LAMA2: variants seen among roughly 807,000 people sequenced by gnomAD.
The protein encoded by LAMA2 is laminin subunit alpha 2, also known as laminin subunit alpha-2.
Under a neutral mutation model 364.8 loss-of-function variants are expected in LAMA2, and 269 were observed. The observed-to-expected ratio is 0.74, with a 90% confidence interval of 0.67 to 0.82. The LOEUF is 0.82. Among genes scored for constraint, LAMA2 ranks in the 40% least tolerant of loss-of-function variants. The probability of loss-of-function intolerance (pLI) is 0.00; values close to 1 mark genes in which losing one functional copy is unlikely to be tolerated. For missense variants in LAMA2, 3,807 were observed against 3,873.2 expected (o/e 0.98, Z 0.45); for synonymous variants, 1,379 against 1,370.6 (o/e 1.01, Z -0.14).
At chr6:129,112,810 C>T (rs546757765) in intron 4 of LAMA2, among the ~76,000 whole-genome samples, 2 of 151,842 alleles carry the variant, frequency 1.3e-5, no homozygotes, top group African/African-American at 4.8e-5. Context: ...TGATGGGAGA[C>T]AGGCTATGTT....
At chr6:128,948,481 A>T (rs1780613076) in intron 1 of LAMA2, among the ~76,000 whole-genome samples, 1 of 152,160 alleles carries the variant, frequency 6.6e-6, no homozygotes, top group Non-Finnish European at 1.5e-5. Flanking sequence ...ACCTCCAGCC[A>T]CACAAAAAAC....
intron 16 of LAMA2, among the ~76,000 whole-genome samples, chr6:129,268,465 T>C (rs1401577202): frequency 6.6e-6 from 1 of 152,094 alleles, no homozygotes; most frequent in Non-Finnish European, 1.5e-5. Context: ...TATGTCATAA[T>C]ACCAAACTCA....
chr6:129,405,414 C>A (rs1562534436), intron 40 of LAMA2, among the ~76,000 whole-genome samples: 1 of 151,918 alleles, frequency 6.6e-6, no homozygotes, highest in Non-Finnish European at 1.5e-5. Context: ...TCATTTTTTG[C>A]CAACATGAAG....
At chr6:129,475,697 C>T (rs1784035125) in intron 53 of LAMA2, among the ~76,000 whole-genome samples, 1 of 152,050 alleles carries the variant, frequency 6.6e-6, no homozygotes, top group Non-Finnish European at 1.5e-5. Flanking sequence ...TGACCAGCAG[C>T]ACACACTCAA....
At chr6:129,323,180 G>C (rs1775072497) in intron 28 of LAMA2, among the ~76,000 whole-genome samples, 1 of 152,030 alleles carries the variant, frequency 6.6e-6, no homozygotes, top group Non-Finnish European at 1.5e-5. Context: ...AATTACCCAG[G>C]CATAAAATCT....
intron 29 of LAMA2, among the ~76,000 whole-genome samples, chr6:129,338,490 T>C (rs1776078409): frequency 6.6e-6 from 1 of 152,150 alleles, no homozygotes; most frequent in Non-Finnish European, 1.5e-5. Flanking sequence ...GGTGGTTCCT[T>C]TGGATGGTTG....
chr6:129,036,644 G>A (rs980459439), intron 1 of LAMA2, among the ~76,000 whole-genome samples: 1 of 149,452 alleles, frequency 6.7e-6, no homozygotes, highest in Non-Finnish European at 1.5e-5. Context: ...AAAAAAAAAA[G>A]AAGAAGAAGA....
chr6:129,400,730 T>C (rs1779921785), intron 37 of LAMA2, among the ~76,000 whole-genome samples: 5 of 152,236 alleles, frequency 3.3e-5, no homozygotes, highest in Admixed American at 3.3e-4. Flanking sequence ...GGTTGATTCT[T>C]CCATGTGATG....
intron 37 of LAMA2, among the ~76,000 whole-genome samples, chr6:129,400,991 C>T (rs541969793): frequency 2.0e-5 from 3 of 152,276 alleles, no homozygotes; most frequent in Non-Finnish European, 4.4e-5. Context: ...AACTTTTCTT[C>T]GCTTGGATGA....
intron 22 of LAMA2, among the ~76,000 whole-genome samples, chr6:129,312,615 A>G (rs1021263683): frequency 1.3e-5 from 2 of 152,110 alleles, no homozygotes; most frequent in East Asian, 1.9e-4. Context: ...GAGAAGACAC[A>G]TTTTCTTTCT....
chr6:129,499,507 C>A (rs1159839082), intron 58 of LAMA2, among the ~76,000 whole-genome samples: 2 of 142,144 alleles, frequency 1.4e-5, no homozygotes, highest in African/African-American at 5.8e-5. Flanking sequence ...TTGAAAACAT[C>A]ATCCTTAGTG....
At chr6:129,232,928 C>A (rs1214929611) in intron 12 of LAMA2, among the ~76,000 whole-genome samples, 1 of 152,026 alleles carries the variant, frequency 6.6e-6, no homozygotes, top group African/African-American at 2.4e-5. Context: ...GATGGAGAGT[C>A]CCTTGAACCA....
At chr6:128,965,049 G>GATT (rs1218177405) in intron 1 of LAMA2, among the ~76,000 whole-genome samples, 1 of 151,968 alleles carries the variant, frequency 6.6e-6, no homozygotes, top group East Asian at 1.9e-4. Flanking sequence ...TATATGAGAG[G>GATT]ATTATAAAAT....
At chr6:129,417,945 C>G (rs1780883400) in intron 40 of LAMA2, among the ~76,000 whole-genome samples, 1 of 152,116 alleles carries the variant, frequency 6.6e-6, no homozygotes, top group Non-Finnish European at 1.5e-5. Flanking sequence ...GCTGAGGGCA[C>G]AGGGATGCCT....
chr6:129,189,326 T>C (rs1376882536), intron 10 of LAMA2, among the ~76,000 whole-genome samples: 4 of 152,066 alleles, frequency 2.6e-5, no homozygotes, highest in Non-Finnish European at 5.9e-5. Context: ...ATATTACAAA[T>C]CTGTTTCCTG....
intron 37 of LAMA2, 106 bp downstream of exon 37, chr6:129,393,361 A>G: frequency 1.2e-6 from 1 of 851,424 alleles, no homozygotes; most frequent in Non-Finnish European, 2.0e-6. Flanking sequence ...TACAAAAGTC[A>G]AGAGTGACAA....
chr6:129,445,580 T>A, intron 44 of LAMA2, 87 bp from the exon 45 acceptor site: 1 of 1,102,806 alleles, frequency 9.1e-7, no homozygotes, highest in Non-Finnish European at 1.4e-6. Flanking sequence ...TAAGATGAAA[T>A]TGTTTGGTTA....
chr6:129,279,050 C>T (rs895048205), intron 17 of LAMA2, among the ~76,000 whole-genome samples: 3 of 152,022 alleles, frequency 2.0e-5, no homozygotes, highest in East Asian at 1.9e-4. Context: ...TTCATTTAGC[C>T]ATCAAGCAAG....
chr6:129,505,429 G>C, intron 61 of LAMA2, 74 bp downstream of exon 61: 1 of 1,237,236 alleles, frequency 8.1e-7, no homozygotes, highest in Non-Finnish European at 1.2e-6. Context: ...GACTTATTAG[G>C]TCACATGGGC....
Sources: gnomAD v4.1 joint callset for allele counts (sites outside exome capture counted in the v4.1 genomes callset) on GRCh38, gnomAD v4.1.1 for gene constraint, MANE v1.5 for transcripts, NCBI Gene and HGNC (gene_info 2026-07-23, HGNC 2026-07-21) for gene names.